The following TJP2 variants were observed in gnomAD, a reference collection of about 807,000 sequenced individuals.
TJP2 encodes tight junction protein 2, also known as Friedreich ataxia region gene X104 (tight junction protein ZO-2).
Under a neutral mutation model 133.1 loss-of-function variants are expected in TJP2, and 91 were observed. The ratio of observed to expected loss-of-function variants is 0.68; its 90% confidence interval spans 0.58 to 0.81. The LOEUF (loss-of-function observed/expected upper bound fraction) is 0.81. TJP2 is among the 40% of genes least tolerant of loss of function. The pLI, the probability that TJP2 is intolerant of heterozygous loss-of-function variation, is 0.00. For missense variants in TJP2, 1,541 were observed against 1,565.6 expected (o/e 0.98, Z 0.26); for synonymous variants, 592 against 583.4 (o/e 1.01, Z -0.21).
Position 69,248,218 on chromosome 9 carries a change from CGAG to C in TJP2, c.2879_2880+1del. Reference sequence around the variant, plus strand: ...CCCGCTCCTCGGAGCCGGTGCAGCACGAGGAGGTGAGGCGAGGCAGGCCACGGG... The same window carrying C: ...CCCGCTCCTCGGAGCCGGTGCAGCACGAGGTGAGGCGAGGCAGGCCACGGG... On this transcript the variant is annotated inframe_deletion, in exon 19 of 23. Transcript: ENST00000377245. 1 of 1,598,644 alleles carries C rather than the reference CGAG, an allele frequency of 6.3e-7. No individual in the cohort carries two copies. Among genetic ancestry groups the C allele is most frequent in the Non-Finnish European group, 8.5e-7 (1 of 1,171,666 alleles).
intron 18 of TJP2, among the ~76,000 whole-genome samples, 175 bp from the exon 19 acceptor site, chr9:69,247,837 T>C (rs1831033125): frequency 6.6e-6 from 1 of 152,044 alleles, no homozygotes; most frequent in South Asian, 2.1e-4. Context: ...AAAACGACCA[T>C]AATATCAACA....
upstream of TJP2, chr9:69,121,268 C>T (rs1217824653): frequency 2.0e-6 from 2 of 985,316 alleles, no homozygotes; most frequent in Non-Finnish European, 2.4e-6. Flanking sequence ...CAGGCCCACC[C>T]TCTCCGCCTT....
intron 21 of TJP2, 55 bp downstream of exon 21, chr9:69,251,419 C>CA (rs1376752304): frequency 1.3e-6 from 2 of 1,560,104 alleles, no homozygotes; most frequent in Non-Finnish European, 1.7e-6. Flanking sequence ...AGTTTGATTT[C>CA]AACATAACAG....
At chr9:69,173,459 C>T (rs1489407814), upstream of TJP2, among the ~76,000 whole-genome samples, 1 of 152,184 alleles carries the variant, frequency 6.6e-6, no homozygotes, top group Non-Finnish European at 1.5e-5. Flanking sequence ...CACTTGTGAC[C>T]TACTGGCAAC....
intron 3 of TJP2, 48 bp from the exon 4 acceptor site, chr9:69,218,209 T>A (rs199521442): frequency 4.0e-4 from 561 of 1,397,666 alleles, no homozygotes; most frequent in Non-Finnish European, 5.3e-4. Context: ...TAATTTACAA[T>A]GAATAGATGG....
intron 22 of TJP2, chr9:69,253,946 G>A (rs981449871): frequency 1.4e-5 from 7 of 516,676 alleles, no homozygotes; most frequent in African/African-American, 9.6e-5. Context: ...GGGGTAAGGA[G>A]GGCACCCCCT....
At chr9:69,242,001 C>T (rs1830607724) in intron 17 of TJP2, among the ~76,000 whole-genome samples, 1 of 152,204 alleles carries the variant, frequency 6.6e-6, no homozygotes, top group African/African-American at 2.4e-5. Context: ...TGTCTGAGTA[C>T]ACTAAATAGC....
intron 1 of TJP2, among the ~76,000 whole-genome samples, chr9:69,139,972 G>A (rs1822942653): frequency 6.6e-6 from 1 of 152,158 alleles, no homozygotes; most frequent in African/African-American, 2.4e-5. Context: ...GAGCAAGTAG[G>A]CGACCGCTGC....
chr9:69,178,050 T>C (rs1051781634), intron 1 of TJP2, among the ~76,000 whole-genome samples: 46 of 151,964 alleles, frequency 3.0e-4, no homozygotes, highest in Non-Finnish European at 1.0e-4. Flanking sequence ...AAGGGATTGG[T>C]GTCTCTATCA....
intron 1 of TJP2, among the ~76,000 whole-genome samples, chr9:69,212,115 C>G (rs1827960053): frequency 6.6e-6 from 1 of 152,146 alleles, no homozygotes; most frequent in South Asian, 2.1e-4. Flanking sequence ...TGGGCATACC[C>G]TATGATAAGG....
At position 69,240,012 on chromosome 9, in the gene TJP2, A is replaced by AT. The variant is rs776869985; in HGVS notation, c.2438dup (p.Asn814GlnfsTer28). Reference sequence around the variant, plus strand: ...TTACACCCAGTGGTTCCCAATTGTGATTTTTTTCAACCCAGACTCCAGACA... The same window carrying AT: ...TTACACCCAGTGGTTCCCAATTGTGATTTTTTTTCAACCCAGACTCCAGACA... On this transcript the variant is annotated frameshift_variant, in exon 17 of 23. Coordinates refer to ENST00000377245, the MANE Select transcript of TJP2 (RefSeq NM_004817.4). LOFTEE classifies it high-confidence loss of function. 5 of 1,614,118 alleles carry AT rather than the reference A, an allele frequency of 3.1e-6. No homozygotes were observed. In the South Asian group the frequency reaches 3.3e-5, roughly 11 times the overall value.
chr9:69,248,682 T>C (rs1831107267), intron 19 of TJP2: 2 of 1,018,804 alleles, frequency 2.0e-6, no homozygotes, highest in Admixed American at 5.6e-5. Flanking sequence ...TTCTCTCTTA[T>C]ATTTCAGTTT....
In TJP2 at chr9:69,153,923, T is replaced by C. The variant is rs139207254; in HGVS notation, c.-10+2152T>C. On this transcript the variant is annotated intron_variant, in intron 2 of 5. Coordinates refer to the TJP2 transcript ENST00000423935. ...TGAGCTTGAGTGATGTGGATTTTTTTCCCAGGCATCTCACGTCGCCCTAGT... is the reference window on the plus strand; with the variant it reads ...TGAGCTTGAGTGATGTGGATTTTTTCCCCAGGCATCTCACGTCGCCCTAGT... Among the ~76,000 whole-genome samples, 34 of 152,296 alleles carry C rather than the reference T, an allele frequency of 2.2e-4. 1 individual carries two copies. In the East Asian group the frequency reaches 6.6e-3, roughly 29 times the overall value.
rs771132077 is a variant in TJP2 at position 69,137,261 on chromosome 9, CTTTCTTTCTT to C, written c.-130-14378_-130-14369del. Among the ~76,000 whole-genome samples, 397 of 81,376 alleles carry C rather than the reference CTTTCTTTCTT, an allele frequency of 4.9e-3. 7 individuals carry two copies. The highest frequency in any genetic ancestry group is 7.9e-3 in the African/African-American group (124 of 15,630). The allele number at this position is 81,376 out of a possible 152,430, so 53.4% of individuals were successfully genotyped here. A position where few individuals can be genotyped will look rare whatever the true frequency, so the allele number is the denominator to read the frequency against. Reference sequence around the variant, plus strand: ...TCTTTCTCTCTCTCTTTCTTTCTTTCTTTCTTTCTTTTTCTTTCTTTCTTTCTTTCTTTCT... The same window carrying C: ...TCTTTCTCTCTCTCTTTCTTTCTTTCTTTCTTTCTTTCTTTCTTTCTTTCT... On this transcript the variant is annotated intron_variant, in intron 1 of 5. Coordinates refer to the TJP2 transcript ENST00000423935.
At chr9:69,200,492 A>G (rs1826907235) in intron 1 of TJP2, among the ~76,000 whole-genome samples, 1 of 152,070 alleles carries the variant, frequency 6.6e-6, no homozygotes, top group South Asian at 2.1e-4. Context: ...TGCTCAAGTG[A>G]TCCTCCTGCC....
In TJP2 at chr9:69,124,458, C is replaced by T. The variant is rs1428630649; in HGVS notation, c.-131+2733C>T. Among the ~76,000 whole-genome samples, 10 of 77,466 alleles carry T rather than the reference C, an allele frequency of 1.3e-4. 4 individuals are homozygous for T. The highest frequency in any genetic ancestry group is 3.9e-4 in the African/African-American group (10 of 25,426). 50.8% of individuals were successfully genotyped at this position (77,466 alleles called of 152,430 possible). The stretch of plus-strand genomic sequence containing the variant: ...AACTCCTGGCTTTAAGCCATCCTCC[C>T]GCCTTGGCCTCCCAAAGTGTTGGGA... On this transcript the variant is annotated intron_variant, in intron 1 of 5. Coordinates refer to the TJP2 transcript ENST00000423935.
intron 20 of TJP2, 92 bp from the exon 21 acceptor site, chr9:69,250,943 C>A: frequency 7.7e-7 from 1 of 1,300,862 alleles, no homozygotes; most frequent in Non-Finnish European, 1.1e-6. Context: ...CCTTTGGAAA[C>A]TGATCAGGAA....
intron 2 of TJP2, among the ~76,000 whole-genome samples, chr9:69,161,293 A>G (rs950804582): frequency 6.6e-6 from 1 of 151,948 alleles, no homozygotes. Context: ...CAATGGCATG[A>G]TCTTGGCTCA....
At chr9:69,219,234 G>C (rs1398987318) in intron 4 of TJP2, among the ~76,000 whole-genome samples, 1 of 152,170 alleles carries the variant, frequency 6.6e-6, no homozygotes, top group African/African-American at 2.4e-5. Context: ...CTCCCAAAGT[G>C]CTGGGATTAC....
Sources: allele counts gnomAD v4.1 joint callset (sites outside exome capture counted in the v4.1 genomes callset), GRCh38; gene constraint gnomAD v4.1.1; transcripts MANE v1.5; gene names NCBI Gene and HGNC (gene_info 2026-07-23, HGNC 2026-07-21).